The following KIAA0319 variants were observed in gnomAD, a reference collection of about 807,000 sequenced individuals.
KIAA0319 encodes dyslexia-associated protein KIAA0319.
Under a neutral mutation model 108.4 loss-of-function variants are expected in KIAA0319, and 83 were observed. The observed-to-expected ratio is 0.77, with a 90% confidence interval of 0.64 to 0.92. The LOEUF is 0.92. Among genes scored for constraint, KIAA0319 ranks in the 40% least tolerant of loss-of-function variants. The pLI is 0.00. For missense variants in KIAA0319, 1,195 were observed against 1,322.4 expected (o/e 0.90, Z 1.49); for synonymous variants, 484 against 510.4 (o/e 0.95, Z 0.70).
At chr6:24,614,627 T>A (rs1428113302) in intron 1 of KIAA0319, among the ~76,000 whole-genome samples, 2 of 152,150 alleles carry the variant, frequency 1.3e-5, no homozygotes, top group African/African-American at 2.4e-5. Flanking sequence ...GGCTAAGGTA[T>A]CCAAGAATTA....
intron 3 of KIAA0319, among the ~76,000 whole-genome samples, chr6:24,592,515 C>T (rs907731431): frequency 6.6e-6 from 1 of 152,164 alleles, no homozygotes; most frequent in Non-Finnish European, 1.5e-5. Flanking sequence ...GTTCTCCTAC[C>T]TCCATCTCCC....
At chr6:24,561,212 T>G (rs944749843) in intron 16 of KIAA0319, among the ~76,000 whole-genome samples, 80 of 152,360 alleles carry the variant, frequency 5.3e-4, no homozygotes, top group African/African-American at 1.8e-3. Flanking sequence ...TCATTTCTTG[T>G]GATGTCTTTG....
In KIAA0319 at chr6:24,579,924, CT is replaced by C. The variant is rs1406716408; in HGVS notation, c.1305del (p.Ala436GlnfsTer14). ...TCTTGCAGTTGGGGAGAAACAACTG[CT>C]ACAGGTGGCAGGTTGACTCTTCTGG... is the stretch of plus-strand genomic sequence containing the variant. Reference protein sequence around the residue: ...KPARRVNLPPVAVVSPQLQEL... With the variant: ...KPARRVNLPPXAVVSPQLQEL... On this transcript the variant is annotated frameshift_variant, in exon 8 of 21. Coordinates refer to ENST00000378214, the MANE Select transcript of KIAA0319 (RefSeq NM_014809.4). LOFTEE classifies it high-confidence loss of function. The C allele has an allele frequency of 6.3e-7, 1 of 1,597,772 alleles. No homozygotes were observed. The highest frequency in any genetic ancestry group is 1.1e-5 in the South Asian group (1 of 88,150).
At position 24,566,737 on chromosome 6, in the gene KIAA0319, G is replaced by A. The variant is rs770007032; in HGVS notation, c.2152C>T (p.Pro718Ser). 7.5e-6 allele frequency: 12 copies of A among 1,606,708 alleles called. No homozygotes were observed. The highest frequency in any genetic ancestry group is 9.3e-6 in the Non-Finnish European group (11 of 1,177,634). The change falls in exon 14 of 21, where the codon CCT becomes TCT. Residue 718 changes from proline to serine, a missense_variant. Coordinates refer to ENST00000378214, the MANE Select transcript of KIAA0319 (RefSeq NM_014809.4). ...TVAVKKENNS[P>S]PRARAGGRHV... The stretch of plus-strand genomic sequence containing the variant: ...CTGCCACCAGCCCGGGCTCTGGGAG[G>A]ACTATTATTTTCTAAGTCAAATATA...
At chr6:24,575,285 G>T (rs1765305925) in intron 10 of KIAA0319, among the ~76,000 whole-genome samples, 1 of 152,132 alleles carries the variant, frequency 6.6e-6, no homozygotes, top group African/African-American at 2.4e-5. Context: ...AGGAACTTTG[G>T]ATACACATCC....
intron 8 of KIAA0319, among the ~76,000 whole-genome samples, chr6:24,578,976 A>T (rs896195631): frequency 9.2e-5 from 14 of 152,216 alleles, no homozygotes; most frequent in African/African-American, 3.4e-4. Context: ...AATATGGATT[A>T]TTTTTGAGTA....
chr6:24,542,280 A>G (rs1163817294), downstream of KIAA0319, among the ~76,000 whole-genome samples: 61 of 152,372 alleles, frequency 4.0e-4, no homozygotes, highest in Non-Finnish European at 7.3e-5. Context: ...AAGATGATCC[A>G]GGAGCCACGT....
chr6:24,584,266 T>G (rs1414641812), intron 4 of KIAA0319, among the ~76,000 whole-genome samples: 1 of 152,112 alleles, frequency 6.6e-6, no homozygotes, highest in East Asian at 1.9e-4. Flanking sequence ...TCAAAAGTGC[T>G]TAGCCACCAA....
At chr6:24,580,332 C>T (rs1407979792) in intron 7 of KIAA0319, among the ~76,000 whole-genome samples, 1 of 136,014 alleles carries the variant, frequency 7.4e-6, no homozygotes, top group Non-Finnish European at 1.6e-5. Context: ...CCCCCCATAA[C>T]CATATGCAAA....
intron 4 of KIAA0319, among the ~76,000 whole-genome samples, chr6:24,584,238 C>G (rs534912247): frequency 1.8e-4 from 28 of 152,088 alleles, no homozygotes; most frequent in Non-Finnish European, 3.8e-4. Context: ...ACTTAAGCAG[C>G]AGGAACATTA....
intron 1 of KIAA0319, among the ~76,000 whole-genome samples, chr6:24,618,949 C>T (rs1773532215): frequency 6.6e-6 from 1 of 152,088 alleles, no homozygotes; most frequent in Non-Finnish European, 1.5e-5. Flanking sequence ...CTTAGAAGGT[C>T]ACATTTGAGC....
chr6:24,579,410 A>ATAT (rs1561981471), intron 8 of KIAA0319, among the ~76,000 whole-genome samples: 4 of 88,000 alleles, frequency 4.5e-5, no homozygotes, highest in African/African-American at 2.5e-4. Flanking sequence ...CCTCTATATA[A>ATAT]AGATATATAT....
chr6:24,592,491 C>G (rs927237206), intron 3 of KIAA0319, among the ~76,000 whole-genome samples: 1 of 152,082 alleles, frequency 6.6e-6, no homozygotes. Context: ...GTCTCTCACC[C>G]GTAGCCTCAA....
chr6:24,551,770 C>T (rs1045823074), intron 19 of KIAA0319, among the ~76,000 whole-genome samples: 2 of 152,202 alleles, frequency 1.3e-5, no homozygotes, highest in African/African-American at 4.8e-5. Context: ...CAGGTCTCAG[C>T]TAAGCCTCAG....
intron 1 of KIAA0319, among the ~76,000 whole-genome samples, chr6:24,610,947 C>T (rs1324788919): frequency 1.3e-5 from 2 of 152,074 alleles, no homozygotes; most frequent in African/African-American, 2.4e-5. Flanking sequence ...GCATGATAAA[C>T]TTTGAAAATA....
chr6:24,628,677 C>T (rs1305085532), intron 1 of KIAA0319, among the ~76,000 whole-genome samples: 1 of 152,168 alleles, frequency 6.6e-6, no homozygotes, highest in Non-Finnish European at 1.5e-5. Context: ...TGGAAATCAA[C>T]GCATCAGCTG....
chr6:24,558,364 TCTAGATAG>T (rs763840537), intron 17 of KIAA0319, among the ~76,000 whole-genome samples: 9 of 86,058 alleles, frequency 1.0e-4, no homozygotes, highest in Non-Finnish European at 2.2e-4. Context: ...TATATATATA[TCTAGATAG>T]ATAGATAGAT....
chr6:24,549,148 C>T (rs908290420), intron 20 of KIAA0319, among the ~76,000 whole-genome samples: 2 of 151,802 alleles, frequency 1.3e-5, no homozygotes. Flanking sequence ...ATGGAGAAAC[C>T]CTGTCTCTAC....
intron 2 of KIAA0319, chr6:24,598,512 G>A (rs559416193): frequency 8.7e-5 from 40 of 458,280 alleles, no homozygotes; most frequent in South Asian, 6.5e-4. Flanking sequence ...AGCTGAAGCT[G>A]GAGGCCGAGT....
Sources: gnomAD v4.1 joint callset for allele counts (sites outside exome capture counted in the v4.1 genomes callset) on GRCh38, gnomAD v4.1.1 for gene constraint, MANE v1.5 for transcripts, NCBI Gene and HGNC (gene_info 2026-07-23, HGNC 2026-07-21) for gene names.